Variants in FAM151A observed in about 807,000 individuals in gnomAD.
FAM151A encodes family with sequence similarity 151 member A, also known as protein FAM151A.
In FAM151A, 41 loss-of-function variants were observed where a neutral mutation model predicts 40.4. That is an observed-to-expected ratio of 1.01 (90% CI 0.79 to 1.32). The LOEUF (loss-of-function observed/expected upper bound fraction) is 1.32. Among genes scored for constraint, FAM151A ranks in the 40% most tolerant of loss-of-function variants. FAM151A has a pLI of 0.00. For synonymous variants in FAM151A, 337 were observed against 312.5 expected, an observed-to-expected ratio of 1.08 and a Z score of -0.83; for missense variants, 740 against 740.4, an observed-to-expected ratio of 1.00 and a Z score of 0.01.
At chr1:54,610,635 A>G in intron 6 of FAM151A, 80 bp from the exon 7 acceptor site, 1 of 1,554,502 alleles carries the variant, frequency 6.4e-7, no homozygotes, top group Admixed American at 1.8e-5. Context: ...CCCATAGGCC[A>G]CAGCTCTACG....
chr1:54,623,423 ACTCCGTGCGGCCCAGAGT>A lies in FAM151A; in HGVS notation c.-46_-29del. 1 of 1,569,716 alleles carries A rather than the reference ACTCCGTGCGGCCCAGAGT, an allele frequency of 6.4e-7. No homozygotes were observed. Among genetic ancestry groups the A allele is most frequent in the South Asian group, 1.1e-5 (1 of 89,718 alleles). The stretch of plus-strand genomic sequence containing the variant: ...CGACGCTCTCTGGGGAATGCCCCCA[ACTCCGTGCGGCCCAGAGT>A]CCCTGAGGCTCCCTGCAGCTGGAAT... On this transcript the variant is annotated 5_prime_UTR_variant, in exon 1 of 8. Transcript: ENST00000302250.
In FAM151A at chr1:54,609,303, G is replaced by A. The variant is rs1214812283; in HGVS notation, c.1723C>T (p.His575Tyr). ...RVYYRLPQGYHKDLLAHVGRN is the reference protein window; with the variant it reads ...RVYYRLPQGYYKDLLAHVGRN The stretch of plus-strand genomic sequence containing the variant: ...CCAACATGAGCCAGCAAGTCCTTGT[G>A]GTAGCCCTGGGGTAGCCTGTAGTAG... The change falls in exon 8 of 8, where the codon CAC (histidine) becomes TAC (tyrosine). Residue 575 changes from histidine to tyrosine, a missense_variant. Transcript: ENST00000302250. 2 of 1,610,390 alleles carry A rather than the reference G, an allele frequency of 1.2e-6. No individual in the cohort carries two copies. Among genetic ancestry groups the A allele is most frequent in the Non-Finnish European group, 1.7e-6 (2 of 1,177,254 alleles).
In FAM151A at chr1:54,614,756, G is replaced by A. The variant is rs1044728991; in HGVS notation, c.519C>T (p.Asn173=). Residue 173 remains asparagine (N), a synonymous_variant, in exon 4 of 8, where the codon AAC becomes AAT. Coordinates refer to ENST00000302250, the MANE Select transcript of FAM151A (RefSeq NM_176782.3). ...TGTTGGGGCCCTTTAAGATGTCAGC[G>A]TTGATCCATATGGGCCGCCGGACTT... ...EGKVRRPIWI[N]ADILKGPNML... 23 of 1,613,984 alleles carry A rather than the reference G, an allele frequency of 1.4e-5. No individual in the cohort carries two copies. The highest frequency in any genetic ancestry group is 1.6e-5 in the Non-Finnish European group (19 of 1,180,016).
chr1:54,612,330 G>T (rs958877421), intron 5 of FAM151A, among the ~76,000 whole-genome samples, 156 bp downstream of exon 5: 1 of 151,736 alleles, frequency 6.6e-6, no homozygotes, highest in African/African-American at 2.4e-5. Flanking sequence ...GTCACCAGAG[G>T]TATGCAAGCA....
chr1:54,612,473 T>G lies in FAM151A; in HGVS notation c.800+13A>C. The G allele has an allele frequency of 6.2e-7, 1 of 1,604,682 alleles. No individual in the cohort carries two copies. Among genetic ancestry groups the G allele is most frequent in the Non-Finnish European group, 8.5e-7 (1 of 1,172,002 alleles). On this transcript the variant is annotated intron_variant, in intron 5 of 7. Coordinates refer to ENST00000302250, the MANE Select transcript of FAM151A (RefSeq NM_176782.3). ...GCCTCCAGGAGGGTGGGGGTGGGTT[T>G]GGTGGTTTTCACCTCTCAGATTGGC...
intron 4 of FAM151A, among the ~76,000 whole-genome samples, chr1:54,613,018 GC>G (rs34221896): frequency 0.99 from 151,130 of 151,966 alleles, 75,155 homozygotes; most frequent in East Asian, 1. Context: ...CTGACTCAGA[GC>G]CCCCAGCGTG....
intron 3 of FAM151A, 43 bp from the exon 4 acceptor site, chr1:54,614,902 C>T: frequency 1.3e-6 from 2 of 1,597,358 alleles, no homozygotes; most frequent in South Asian, 1.1e-5. Flanking sequence ...GGCGAAGGAA[C>T]TAGGAATACA....
In FAM151A at chr1:54,623,349, A is replaced by G. The variant is rs138062399; in HGVS notation, c.47T>C (p.Phe16Ser). ...CACAGACACACAGGTAATGCCGGCAAACACCCACTTGACCTGATTCTTTGA... is the reference window on the plus strand; with the variant it reads ...CACAGACACACAGGTAATGCCGGCAGACACCCACTTGACCTGATTCTTTGA... ...QLSKNQVKWV[F>S]AGITCVSVVV... is the part of the protein sequence containing the mutation. Residue 16 changes from phenylalanine to serine, a missense_variant, in exon 1 of 8, where the codon TTT (phenylalanine) becomes TCT (serine). Phe to Ser is a radical substitution (Grantham distance 155). Transcript: ENST00000302250. 11 of 1,613,944 alleles carry G rather than the reference A, an allele frequency of 6.8e-6. No homozygotes were observed. The highest frequency in any genetic ancestry group is 1.3e-5 in the African/African-American group (1 of 74,980).
chr1:54,611,776 T>C (rs776213958), intron 5 of FAM151A, 31 bp from the exon 6 acceptor site: 4 of 1,612,790 alleles, frequency 2.5e-6, no homozygotes, highest in Non-Finnish European at 3.4e-6. Context: ...TCAGTGCCTG[T>C]CTGGGCCCAG....
rs1368102444 is a variant in FAM151A at position 54,612,650 on chromosome 1, G to A, written c.636C>T (p.Thr212=). ...PKATLSPGWT[T]FYMSTSPNRT... ...TGTTTGGGGACGTGGACATGTAGAA[G>A]GTGGTCCAGCCTGGAGATAGGGTAG... The change falls in exon 5 of 8, where the codon ACC becomes ACT. Residue 212 remains threonine (T), a synonymous_variant. Coordinates refer to ENST00000302250, the MANE Select transcript of FAM151A (RefSeq NM_176782.3). 1 of 1,614,136 alleles carries A rather than the reference G, an allele frequency of 6.2e-7. No homozygotes were observed. Among genetic ancestry groups the A allele is most frequent in the South Asian group, 1.1e-5 (1 of 91,082 alleles).
chr1:54,623,205 G>C, intron 1 of FAM151A, 73 bp downstream of exon 1: 1 of 982,148 alleles, frequency 1.0e-6, no homozygotes. Context: ...GGTCAGAGCT[G>C]TAAGTGAGAA....
At position 54,609,275 on chromosome 1, in the gene FAM151A, C is replaced by G; in HGVS notation, c.1751G>C (p.Arg584Thr). 1 of 1,604,294 alleles carries G rather than the reference C, an allele frequency of 6.2e-7. No individual in the cohort carries two copies. The highest frequency in any genetic ancestry group is 8.5e-7 in the Non-Finnish European group (1 of 1,173,298). ...YHKDLLAHVGRN is the reference protein window; with the variant it reads ...YHKDLLAHVGTN ...CCCACCACCCCTGGGTGCTCAGTTTCTACCAACATGAGCCAGCAAGTCCTT... is the reference window on the plus strand; with the variant it reads ...CCCACCACCCCTGGGTGCTCAGTTTGTACCAACATGAGCCAGCAAGTCCTT... Residue 584 changes from arginine (R) to threonine (T), a missense_variant, in exon 8 of 8, where the codon AGA becomes ACA. By Grantham distance (71) the Arg-to-Thr change is moderately conservative (BLOSUM62 -1). Transcript: ENST00000302250.
intron 2 of FAM151A, among the ~76,000 whole-genome samples, chr1:54,618,151 A>G (rs1252875276): frequency 6.6e-6 from 1 of 151,740 alleles, no homozygotes; most frequent in East Asian, 1.9e-4. Flanking sequence ...GCCTGGCAAC[A>G]CTCTTCTCTC....
At chr1:54,614,176 TG>T (rs1644147244) in intron 4 of FAM151A, among the ~76,000 whole-genome samples, 1 of 152,204 alleles carries the variant, frequency 6.6e-6, no homozygotes, top group Non-Finnish European at 1.5e-5. Context: ...TCTCTCTCTT[TG>T]TAAACTGTAG....
chr1:54,610,050 C>A, intron 7 of FAM151A, 109 bp from the exon 8 acceptor site: 13 of 1,447,386 alleles, frequency 9.0e-6, no homozygotes, highest in Non-Finnish European at 1.2e-5. Flanking sequence ...AAGGACCTTG[C>A]CTCTCTGGAA....
In FAM151A at chr1:54,623,389, A is replaced by T; in HGVS notation, c.7T>A (p.Cys3Ser). Reference protein sequence around the residue: MVCREQLSKNQVK... With the variant: MVSREQLSKNQVK... ...TGATTCTTTGATAACTGCTCCCTGCAGACCATGGCGACGCTCTCTGGGGAA... is the reference window on the plus strand; with the variant it reads ...TGATTCTTTGATAACTGCTCCCTGCTGACCATGGCGACGCTCTCTGGGGAA... Residue 3 changes from cysteine to serine, a missense_variant, in exon 1 of 8, where the codon TGC (cysteine) becomes AGC (serine). Cys to Ser is a moderately radical substitution (Grantham distance 112). Coordinates refer to ENST00000302250, the MANE Select transcript of FAM151A (RefSeq NM_176782.3). The T allele has an allele frequency of 6.2e-7, 1 of 1,613,306 alleles. No individual in the cohort carries two copies. The highest frequency in any genetic ancestry group is 8.5e-7 in the Non-Finnish European group (1 of 1,179,436).
intron 1 of FAM151A, among the ~76,000 whole-genome samples, chr1:54,622,611 C>T (rs113278274): frequency 1.4e-3 from 215 of 151,794 alleles, no homozygotes; most frequent in Middle Eastern, 3.4e-3. Context: ...TGGTTGCACA[C>T]GCCTGTGATC....
intron 5 of FAM151A, 106 bp downstream of exon 5, chr1:54,612,380 G>T: frequency 1.3e-6 from 1 of 768,058 alleles, no homozygotes; most frequent in Non-Finnish European, 2.2e-6. Flanking sequence ...CACTGGCAGG[G>T]GTTGGACGAA....
At chr1:54,621,778 G>C (rs563931260) in intron 1 of FAM151A, 32 of 152,656 alleles carry the variant, frequency 2.1e-4, no homozygotes, top group African/African-American at 7.7e-4. Flanking sequence ...TGGGGGCATG[G>C]TGGCTACTCC....
Sources: gnomAD v4.1 joint callset for allele counts (sites outside exome capture counted in the v4.1 genomes callset) on GRCh38, gnomAD v4.1.1 for gene constraint, MANE v1.5 for transcripts, NCBI Gene and HGNC (gene_info 2026-07-23, HGNC 2026-07-21) for gene names.